The following CEP120 variants were observed in gnomAD, a reference collection of about 807,000 sequenced individuals.
CEP120 encodes centrosomal protein 120, also known as centrosomal protein of 120 kDa.
In CEP120, 113 loss-of-function variants were observed where a neutral mutation model predicts 126.5. That is an observed-to-expected ratio of 0.89 (90% CI 0.77 to 1.04). The LOEUF is 1.04. Ranked by LOEUF, CEP120 falls within the 50% of genes least tolerant of loss-of-function variation. The probability of loss-of-function intolerance (pLI) is 0.00; values close to 1 mark genes in which losing one functional copy is unlikely to be tolerated. For synonymous variants in CEP120, 400 were observed against 394.3 expected, an observed-to-expected ratio of 1.01 and a Z score of -0.17; for missense variants, 1,230 against 1,155.7, an observed-to-expected ratio of 1.06 and a Z score of -0.93.
At position 123,416,143 on chromosome 5, in the gene CEP120, T is replaced by C; in HGVS notation, c.207-19A>G. ...CTGTAGCCTATAACAAAACATGTGA[T>C]AAATAAAATGGTTTTTGCTTAATAA... On this transcript the variant is annotated intron_variant, in intron 2 of 19. Coordinates refer to ENST00000306467, the MANE Select transcript of CEP120 (RefSeq NM_001375405.1). 1 of 1,450,910 alleles carries C rather than the reference T, an allele frequency of 6.9e-7. No individual in the cohort carries two copies. Among genetic ancestry groups the C allele is most frequent in the South Asian group, 1.2e-5 (1 of 83,810 alleles). The allele number at this position is 1,450,910 out of a possible 1,614,324, so 89.9% of individuals were successfully genotyped here.
rs1388659383 is a variant in CEP120 at position 123,376,599 on chromosome 5, G to A, written c.2358+775C>T. On this transcript the variant is annotated intron_variant, in intron 16 of 19. Transcript: ENST00000306467. ...ACAACATGAGGAGCAGATTAGAGGG[G>A]CCCATCACTGAAACAAAGAACATTT... 3.3e-5 allele frequency among the ~76,000 whole-genome samples: 5 copies of A among 152,054 alleles called. No individual in the cohort carries two copies. In the East Asian group the frequency reaches 9.7e-4, roughly 29 times the overall value.
chr5:123,418,990 T>C (rs1325099014), intron 1 of CEP120, among the ~76,000 whole-genome samples: 1 of 152,196 alleles, frequency 6.6e-6, no homozygotes, highest in African/African-American at 2.4e-5. Context: ...CCATAATTCA[T>C]AAGAAACATG....
chr5:123,354,938 C>T (rs1376067785), intron 18 of CEP120, among the ~76,000 whole-genome samples: 2 of 151,540 alleles, frequency 1.3e-5, no homozygotes, highest in Non-Finnish European at 2.9e-5. Flanking sequence ...CTCCCCACTC[C>T]CCCCACCCCA....
chr5:123,392,112 T>A (rs1358848011), intron 6 of CEP120, among the ~76,000 whole-genome samples: 1 of 152,170 alleles, frequency 6.6e-6, no homozygotes, highest in Admixed American at 6.5e-5. Flanking sequence ...GTGAAAGAGT[T>A]AAGAGAGACC....
chr5:123,384,358 TA>T (rs1173504424), intron 11 of CEP120, among the ~76,000 whole-genome samples: 1 of 152,110 alleles, frequency 6.6e-6, no homozygotes, highest in African/African-American at 2.4e-5. Flanking sequence ...AGTTAAATTT[TA>T]AATTTTTATT....
chr5:123,390,818 TTC>T, intron 7 of CEP120: 1 of 279,700 alleles, frequency 3.6e-6, no homozygotes, highest in Non-Finnish European at 6.7e-6. Context: ...TCTAAAAATG[TTC>T]TCTTTCACTG....
intron 14 of CEP120, among the ~76,000 whole-genome samples, chr5:123,380,807 T>G (rs1771586319): frequency 6.6e-6 from 1 of 152,098 alleles, no homozygotes; most frequent in African/African-American, 2.4e-5. Context: ...CCAGATTCAA[T>G]GAATATCTAA....
chr5:123,422,585 A>G (rs775822709), intron 1 of CEP120: 83 of 1,519,290 alleles, frequency 5.5e-5, no homozygotes, highest in Non-Finnish European at 7.1e-5. Flanking sequence ...CCTGTATTCA[A>G]GTCAAAGCTC....
chr5:123,416,055 T>G lies in CEP120; in HGVS notation c.276A>C (p.Ile92=). The G allele has an allele frequency of 6.2e-7, 1 of 1,614,122 alleles. No homozygotes were observed. The highest frequency in any genetic ancestry group is 8.5e-7 in the Non-Finnish European group (1 of 1,179,956). ...TTCTTAAATCCAGAACGATGTAACC[T>G]ATGGTTTCCTTGGCTGAAGTTACAG... is the stretch of plus-strand genomic sequence containing the variant. ...LDPVTSAKET[I]GYIVLDLRTA... Residue 92 remains isoleucine, a synonymous_variant, in exon 3 of 20, where the codon ATA becomes ATC. Coordinates refer to ENST00000306467, the MANE Select transcript of CEP120 (RefSeq NM_001375405.1).
intron 4 of CEP120, among the ~76,000 whole-genome samples, chr5:123,405,699 T>C (rs962917216): frequency 2.0e-5 from 3 of 152,080 alleles, no homozygotes; most frequent in South Asian, 2.1e-4. Context: ...CATAAGGCTA[T>C]AGAATGCTTC....
intron 1 of CEP120, 75 bp downstream of exon 1, chr5:123,422,875 C>T (rs375950405): frequency 1.5e-6 from 2 of 1,358,786 alleles, no homozygotes; most frequent in African/African-American, 1.4e-5. Context: ...TTAAGGTTAA[C>T]AAGGCCTCGG....
In CEP120 at chr5:123,346,701, C is replaced by G; in HGVS notation, c.2779G>C (p.Gly927Arg). Residue 927 changes from glycine to arginine, a missense_variant, in exon 20 of 20, where the codon GGA becomes CGA. Gly to Arg is a moderately radical substitution (Grantham distance 125). Transcript: ENST00000306467. The part of the protein sequence containing the change: ...QYQDSTEIAS[G>R]KKDGPHGSVL... ...CTGCCATGGGGGCCATCCTTTTTTC[C>G]ACTTGCAATCTCTGTGGAATCCTGG... 6.2e-7 allele frequency: 1 copy of G among 1,613,250 alleles called. No homozygotes were observed. Among genetic ancestry groups the G allele is most frequent in the Non-Finnish European group, 8.5e-7 (1 of 1,179,800 alleles).
At chr5:123,405,199 A>G (rs1773561014) in intron 4 of CEP120, among the ~76,000 whole-genome samples, 1 of 152,226 alleles carries the variant, frequency 6.6e-6, no homozygotes, top group African/African-American at 2.4e-5. Flanking sequence ...GAAAGAGCCA[A>G]TGCAGTAAGT....
chr5:123,393,921 T>C (rs929261109), intron 5 of CEP120, among the ~76,000 whole-genome samples: 1 of 152,234 alleles, frequency 6.6e-6, no homozygotes, highest in Non-Finnish European at 1.5e-5. Flanking sequence ...CCAGGCTATC[T>C]AACATATAAC....
At chr5:123,354,942 C>G (rs536161461) in intron 18 of CEP120, among the ~76,000 whole-genome samples, 35 of 151,742 alleles carry the variant, frequency 2.3e-4, no homozygotes, top group Non-Finnish European at 4.0e-4. Flanking sequence ...CCACTCCCCC[C>G]ACCCCACAAC....
Position 123,386,504 on chromosome 5 carries a change from A to C in CEP120, c.1580+14T>G. On this transcript the variant is annotated intron_variant, in intron 10 of 19. Transcript: ENST00000306467. ...TTAAATTAATTAATATCATACATAC[A>C]CTGTATGCATTACCTTAAGAAGGTG... is the stretch of plus-strand genomic sequence containing the variant. 1 of 1,499,550 alleles carries C rather than the reference A, an allele frequency of 6.7e-7. No individual in the cohort carries two copies. The highest frequency in any genetic ancestry group is 8.9e-7 in the Non-Finnish European group (1 of 1,124,590). 92.9% of individuals were successfully genotyped at this position (1,499,550 alleles called of 1,614,324 possible).
intron 9 of CEP120, 69 bp from the exon 10 acceptor site, chr5:123,386,736 T>C (rs552397536): frequency 7.5e-6 from 9 of 1,203,782 alleles, no homozygotes; most frequent in Non-Finnish European, 9.8e-6. Flanking sequence ...ATTCAGTCTG[T>C]TTTTTAGAAA....
Position 123,377,244 on chromosome 5 carries a change from G to A in CEP120, c.2358+130C>T, listed in dbSNP as rs960068394. On this transcript the variant is annotated intron_variant, in intron 16 of 19. Transcript: ENST00000306467. ...CAACTTAAAGTATATTTGAATCTCA[G>A]TGCAATAATATGATTAATAGTCTAA... The A allele has an allele frequency of 7.5e-6, 6 of 799,780 alleles. No individual in the cohort carries two copies. In the East Asian group the frequency reaches 1.7e-4, roughly 23 times the overall value. The allele number at this position is 799,780 out of a possible 1,614,324, so 49.5% of individuals were successfully genotyped here. A position where few individuals can be genotyped will look rare whatever the true frequency, so the allele number is the denominator to read the frequency against.
chr5:123,376,923 T>TA (rs1771267312), intron 16 of CEP120, among the ~76,000 whole-genome samples: 1 of 151,680 alleles, frequency 6.6e-6, no homozygotes. Flanking sequence ...GCCAGAAAGG[T>TA]AGAGAAAAAC....
Sources: gnomAD v4.1 joint callset for allele counts (sites outside exome capture counted in the v4.1 genomes callset) on GRCh38, gnomAD v4.1.1 for gene constraint, MANE v1.5 for transcripts, NCBI Gene and HGNC (gene_info 2026-07-23, HGNC 2026-07-21) for gene names.